DMD: variants seen among roughly 807,000 people sequenced by gnomAD.
DMD encodes the protein dystrophin, also known as mutant dystrophin.
A neutral mutation model predicts 330.1 loss-of-function variants in DMD; 63 were observed. The ratio of observed to expected loss-of-function variants is 0.19; its 90% CI spans 0.16 to 0.24. DMD has a LOEUF of 0.24. Among genes scored for constraint, DMD ranks in the 10% least tolerant of loss-of-function variants. DMD has a pLI of 1.00. For missense variants in DMD, 3,344 were observed against 2,684.1 expected, an observed-to-expected ratio of 1.25 and a Z score of -5.43; for synonymous variants, 1,223 against 959.8, an observed-to-expected ratio of 1.27 and a Z score of -5.07.
intron 44 of DMD, among the ~76,000 whole-genome samples, chrX:32,078,966 G>A (rs2096372529): frequency 9.0e-6 from 1 of 111,633 alleles, no homozygotes; most frequent in Admixed American, 9.5e-5. Context: ...CCTTCCTACA[G>A]TTTGGCAACC....
chrX:33,259,976 G>A (rs1322722486), intron 1 of DMD, among the ~76,000 whole-genome samples: 1 of 110,711 alleles, frequency 9.0e-6, no homozygotes, highest in African/African-American at 3.3e-5. Flanking sequence ...ACCTATGGAA[G>A]GAGAGCTTGA....
intron 57 of DMD, among the ~76,000 whole-genome samples, chrX:31,487,104 G>A (rs753666834): frequency 5.4e-5 from 6 of 111,949 alleles, no homozygotes; most frequent in Non-Finnish European, 1.1e-4. Context: ...AGGCAATGGA[G>A]CAAACAACAG....
chrX:32,401,361 C>T (rs1442924839), intron 30 of DMD, among the ~76,000 whole-genome samples: 5 of 111,792 alleles, frequency 4.5e-5, no homozygotes, highest in Non-Finnish European at 7.5e-5. Context: ...GGTACCTATA[C>T]ACAATACAGT....
chrX:33,014,978 T>C (rs1028876801), intron 2 of DMD, among the ~76,000 whole-genome samples: 9 of 111,299 alleles, frequency 8.1e-5, no homozygotes, highest in African/African-American at 2.3e-4. Context: ...TCTCCTAAGG[T>C]AGAGAGTAGT....
intron 55 of DMD, among the ~76,000 whole-genome samples, chrX:31,603,866 C>T (rs746940408): frequency 5.4e-5 from 6 of 111,655 alleles, no homozygotes; most frequent in South Asian, 7.6e-4. Context: ...AACAATGCCA[C>T]GCCAAGCAGT....
chrX:31,603,289 G>A (rs2148231619), intron 55 of DMD, among the ~76,000 whole-genome samples: 1 of 111,375 alleles, frequency 9.0e-6, no homozygotes, highest in South Asian at 3.8e-4. Flanking sequence ...TTTTTTGGTT[G>A]TTTATTGTGC....
chrX:33,281,474 G>T (rs748442624), intron 1 of DMD, among the ~76,000 whole-genome samples: 1 of 111,718 alleles, frequency 9.0e-6, no homozygotes, highest in African/African-American at 3.3e-5. Context: ...CTCCCAAAGT[G>T]CTGGGATTAC....
chrX:32,461,408 G>T (rs2098382957), intron 25 of DMD, among the ~76,000 whole-genome samples: 1 of 111,083 alleles, frequency 9.0e-6, no homozygotes. Flanking sequence ...GATACTTGTA[G>T]GAAAAGCACA....
chrX:31,681,387 G>T (rs1034546847), intron 52 of DMD, among the ~76,000 whole-genome samples: 2 of 112,354 alleles, frequency 1.8e-5, no homozygotes, highest in Non-Finnish European at 3.7e-5. Context: ...AGGCCCAAGG[G>T]ATGAGGGGAG....
chrX:33,033,602 T>G (rs1212752770), intron 1 of DMD, among the ~76,000 whole-genome samples: 1 of 104,781 alleles, frequency 9.5e-6, no homozygotes. Flanking sequence ...ACCTGTAGTC[T>G]CAGCTACTTG....
chrX:33,019,632 T>C (rs781711480), intron 2 of DMD, among the ~76,000 whole-genome samples: 1 of 111,426 alleles, frequency 9.0e-6, no homozygotes, highest in South Asian at 3.8e-4. Context: ...ATTAAGTAAA[T>C]ATTAAGAGTA....
At chrX:32,464,838 G>T (rs1381448958) in intron 23 of DMD, 139 bp from the exon 24 acceptor site, 1 of 500,354 alleles carries the variant, frequency 2.0e-6, no homozygotes, top group Non-Finnish European at 3.6e-6. Flanking sequence ...TTGAGGCAAA[G>T]AATATTTTTA....
chrX:32,162,586 C>G (rs1360490546), intron 44 of DMD, among the ~76,000 whole-genome samples: 1 of 87,606 alleles, frequency 1.1e-5, no homozygotes, highest in African/African-American at 4.3e-5. Context: ...TTTGAAGCAA[C>G]AAGCTTTTTT....
rs1158582592 is a variant in DMD at position 32,567,365 on chromosome X, C to A, written c.1813-1484G>T. Among the ~76,000 whole-genome samples, 5 of 111,832 alleles carry A rather than the reference C, an allele frequency of 4.5e-5. No individual in the cohort carries two copies. The East Asian group carries it at 1.1e-3, about 25-fold the overall frequency. ...ACACTGAATTCAAATCAAAATAAAA[C>A]TCACGGTGTGGGGGTTTAGCAATAG... On this transcript the variant is annotated intron_variant, in intron 15 of 78. Coordinates refer to ENST00000357033, the MANE Select transcript of DMD (RefSeq NM_004006.3).
intron 55 of DMD, among the ~76,000 whole-genome samples, chrX:31,620,052 G>A (rs1603428093): frequency 9.0e-6 from 1 of 111,221 alleles, no homozygotes; most frequent in Non-Finnish European, 1.9e-5. Context: ...ATTTCATTTC[G>A]GATTTTCTCT....
intron 43 of DMD, among the ~76,000 whole-genome samples, chrX:32,239,955 C>G (rs1490651221): frequency 1.8e-5 from 2 of 111,800 alleles, no homozygotes; most frequent in African/African-American, 6.5e-5. Flanking sequence ...TGCCTTGTCT[C>G]TCTTTCTGCA....
intron 43 of DMD, among the ~76,000 whole-genome samples, chrX:32,276,955 A>T (rs1244353156): frequency 9.0e-6 from 1 of 111,012 alleles, no homozygotes; most frequent in East Asian, 2.8e-4. Context: ...ATAGAAAAAA[A>T]AGAGAGAGAA....
At chrX:32,496,342 A>G (rs940244177) in intron 19 of DMD, among the ~76,000 whole-genome samples, 16 of 111,895 alleles carry the variant, frequency 1.4e-4, no homozygotes, top group African/African-American at 3.2e-4. Context: ...TCCATTTAGC[A>G]TTCAATGTAA....
At chrX:32,656,391 C>T (rs1173142534) in intron 9 of DMD, among the ~76,000 whole-genome samples, 2 of 108,490 alleles carry the variant, frequency 1.8e-5, no homozygotes, top group Non-Finnish European at 3.9e-5. Context: ...CCATCACTCC[C>T]ATCTACACAA....
Sources: gnomAD v4.1 joint callset for allele counts (sites outside exome capture counted in the v4.1 genomes callset) on GRCh38, gnomAD v4.1.1 for gene constraint, MANE v1.5 for transcripts, NCBI Gene and HGNC (gene_info 2026-07-23, HGNC 2026-07-21) for gene names.